ASB14: variants seen among roughly 807,000 people sequenced by gnomAD.
ASB14 encodes the protein ankyrin repeat and SOCS box protein 14.
A neutral mutation model predicts 55.6 loss-of-function variants in ASB14; 63 were observed. That is an observed-to-expected ratio of 1.13 (90% confidence interval 0.92 to 1.40). The LOEUF (loss-of-function observed/expected upper bound fraction) is 1.40, where lower values mean the gene tolerates loss of function less well. ASB14 is among the 40% of genes most tolerant of loss of function. ASB14 has a pLI of 0.00. For synonymous variants in ASB14, 256 were observed against 259.9 expected (o/e 0.98, Z 0.15); for missense variants, 724 against 710.4 (o/e 1.02, Z -0.22).
At position 57,283,464 on chromosome 3, in the gene ASB14, C is replaced by T. The variant is rs1421650112; in HGVS notation, c.470-25G>A. On this transcript the variant is annotated intron_variant, in intron 5 of 10. Coordinates refer to ENST00000487349, the MANE Select transcript of ASB14 (RefSeq NM_001142733.3). ...GCTGGGAAATGAGAAGTGTGGTGGGCATGTTCAACGGGAAGTTAAGCCCAA... is the reference window on the plus strand; with the variant it reads ...GCTGGGAAATGAGAAGTGTGGTGGGTATGTTCAACGGGAAGTTAAGCCCAA... 39 of 1,545,446 alleles carry T rather than the reference C, an allele frequency of 2.5e-5. No individual in the cohort carries two copies. The South Asian group carries it at 3.7e-4, about 15-fold the overall frequency.
At chr3:57,290,004 ACT>A (rs774385796) in intron 2 of ASB14, among the ~76,000 whole-genome samples, 35 of 152,182 alleles carry the variant, frequency 2.3e-4, no homozygotes, top group Non-Finnish European at 4.0e-4. Flanking sequence ...TCCCTCGGAC[ACT>A]CTGTCCTGTT....
chr3:57,291,159 A>G (rs1020783105), intron 2 of ASB14, among the ~76,000 whole-genome samples: 1 of 152,232 alleles, frequency 6.6e-6, no homozygotes, highest in African/African-American at 2.4e-5. Context: ...TTACATTTTA[A>G]AAATACTATA....
In ASB14 at chr3:57,283,272, T is replaced by C. The variant is rs61747702; in HGVS notation, c.637A>G (p.Ser213Gly). The C allele has an allele frequency of 1.2e-3, 1,932 of 1,552,054 alleles. 23 individuals are homozygous for C. In the African/African-American group the frequency reaches 0.023, roughly 19 times the overall value. Residue 213 changes from serine to glycine, a missense_variant, in exon 6 of 11, where the codon AGC becomes GGC. Coordinates refer to ENST00000487349, the MANE Select transcript of ASB14 (RefSeq NM_001142733.3). ...LVSGAHPDPQ[S>G]TYGFTPLALA... Reference sequence around the variant, plus strand: ...GCAAGAGGAGTGAATCCATACGTGCTCTGTGGGTCAGGGTGTGCCCCAGAA... The same window carrying C: ...GCAAGAGGAGTGAATCCATACGTGCCCTGTGGGTCAGGGTGTGCCCCAGAA...
At chr3:57,289,162 G>A (rs1395865556) in intron 2 of ASB14, 39 bp from the exon 3 acceptor site, 27 of 1,376,156 alleles carry the variant, frequency 2.0e-5, no homozygotes, top group Non-Finnish European at 2.6e-5. Context: ...CCAAAACTGA[G>A]GAGAAAAAAC....
chr3:57,269,880 C>A, intron 10 of ASB14: 1 of 590,132 alleles, frequency 1.7e-6, no homozygotes, highest in Non-Finnish European at 2.8e-6. Flanking sequence ...CCCCCTTAAA[C>A]ATAATGTACT....
rs527843898 is a variant in ASB14 at position 57,283,430 on chromosome 3, C to T, written c.479G>A (p.Arg160His). 65 of 1,551,250 alleles carry T rather than the reference C, an allele frequency of 4.2e-5. No homozygotes were observed. In the African/African-American group the frequency reaches 6.7e-4, roughly 16 times the overall value. ...CAAGGCAGCCATGTCATAGCAGTCA[C>T]GCAGCACAGCTGGGAAATGAGAAGT... The part of the protein sequence containing the change: ...GNSPLLAAVL[R>H]DCYDMAALLI... The change falls in exon 6 of 11, where the codon CGT (arginine) becomes CAT (histidine). Residue 160 changes from arginine (R) to histidine (H), a missense_variant. Physicochemically the swap from Arg to His is conservative, Grantham distance 29. Coordinates refer to ENST00000487349, the MANE Select transcript of ASB14 (RefSeq NM_001142733.3).
At chr3:57,272,250 C>T (rs1196244185) in intron 10 of ASB14, 3 of 152,166 alleles carry the variant, frequency 2.0e-5, no homozygotes, top group Non-Finnish European at 4.4e-5. Context: ...ACCAGTTATT[C>T]CTTCTACCTT....
At chr3:57,272,214 A>G (rs2060946835) in intron 10 of ASB14, 2 of 152,132 alleles carry the variant, frequency 1.3e-5, no homozygotes, top group African/African-American at 4.8e-5. Flanking sequence ...GTTTGTAACT[A>G]TGGCAATGAA....
rs962280871 is a variant in ASB14 at position 57,269,303 on chromosome 3, T to TA, written c.*337dup. 211 of 414,862 alleles carry TA rather than the reference T, an allele frequency of 5.1e-4. No individual in the cohort carries two copies. The Middle Eastern group carries it at 7.3e-3, about 14-fold the overall frequency. The allele number at this position is 414,862 out of a possible 1,614,324, so 25.7% of individuals were successfully genotyped here. A position where few individuals can be genotyped will look rare whatever the true frequency, so the allele number is the denominator to read the frequency against. ...ATGGGCTTTATTTGGTTGTTGGTCA[T>TA]AAAAAAAGAAAGATAAAATATTAGA... On this transcript the variant is annotated 3_prime_UTR_variant, in exon 11 of 11. Coordinates refer to ENST00000487349, the MANE Select transcript of ASB14 (RefSeq NM_001142733.3).
At position 57,278,402 on chromosome 3, in the gene ASB14, G is replaced by A; in HGVS notation, c.1406C>T (p.Thr469Ile). 1.2e-6 allele frequency: 2 copies of A among 1,613,960 alleles called. No homozygotes were observed. Among genetic ancestry groups the A allele is most frequent in the Non-Finnish European group, 1.7e-6 (2 of 1,179,860 alleles). The change falls in exon 8 of 11, where the codon ACA becomes ATA. Residue 469 changes from threonine (T) to isoleucine (I), a missense_variant. By Grantham distance (89) the Thr-to-Ile change is moderately conservative. Coordinates refer to ENST00000487349, the MANE Select transcript of ASB14 (RefSeq NM_001142733.3). The stretch of plus-strand genomic sequence containing the variant: ...CTTAGTATCTTTGATAACTGTAGAT[G>A]TCCAGCCTTCAACAGTATAGGAAGG... ...VHPSYTVEGW[T>I]STVIKDTKFC...
At chr3:57,276,150 G>T (rs1017267620) in intron 10 of ASB14, among the ~76,000 whole-genome samples, 1 of 150,704 alleles carries the variant, frequency 6.6e-6, no homozygotes, top group African/African-American at 2.4e-5. Context: ...ATAGACATTG[G>T]ATTTATACAC....
intron 10 of ASB14, chr3:57,273,239 C>T (rs1027215115): frequency 2.6e-5 from 4 of 152,548 alleles, no homozygotes; most frequent in African/African-American, 9.7e-5. Flanking sequence ...TTCACTGATA[C>T]TATTAATCAT....
chr3:57,280,310 G>T lies in ASB14; in HGVS notation c.879C>A (p.Gly293=). The part of the protein sequence containing the change: ...HLPIHVAADR[G]HLLALKILIP... ...ATGTAATTGAACTTAACAGTAAGTG[G>T]CCCCTGTCAGCTGCCACATGGATGG... Residue 293 remains glycine (G), a synonymous_variant, in exon 7 of 11, where the codon GGC becomes GGA. Transcript: ENST00000487349. 2.6e-6 allele frequency: 4 copies of T among 1,546,634 alleles called. No homozygotes were observed. The highest frequency in any genetic ancestry group is 3.5e-6 in the Non-Finnish European group (4 of 1,143,724).
chr3:57,269,633 G>A lies in ASB14; in HGVS notation c.*23-15C>T, dbSNP rs146152896. 1 of 1,614,114 alleles carries A rather than the reference G, an allele frequency of 6.2e-7. No individual in the cohort carries two copies. The highest frequency in any genetic ancestry group is 1.1e-5 in the South Asian group (1 of 91,068). On this transcript the variant is annotated splice_polypyrimidine_tract_variant and intron_variant, in intron 10 of 10. Transcript: ENST00000487349. ...AGTTTGTTGTCCTTAGCAGTAGCCA[G>A]TCAGAAGAGAGTGATTTGGGAGAAG...
chr3:57,287,783 G>A, intron 5 of ASB14, 118 bp downstream of exon 5: 1 of 1,151,194 alleles, frequency 8.7e-7, no homozygotes, highest in South Asian at 1.6e-5. Context: ...CCCATGTCTG[G>A]TCAGTTGGGA....
intron 2 of ASB14, among the ~76,000 whole-genome samples, chr3:57,290,886 T>G (rs985819107): frequency 6.6e-6 from 1 of 152,248 alleles, no homozygotes; most frequent in Non-Finnish European, 1.5e-5. Context: ...TTTTAAAAAC[T>G]AATCCTAAAT....
At position 57,278,907 on chromosome 3, in the gene ASB14, G is replaced by GT; in HGVS notation, c.900dup (p.Leu301ThrfsTer11). Reference sequence around the variant, plus strand: ...GCAGCAAGATCCGTAACTGGAATCAGTATCTTTAGAGCTCTGAGAAAGAAT... The same window carrying GT: ...GCAGCAAGATCCGTAACTGGAATCAGTTATCTTTAGAGCTCTGAGAAAGAAT... On this transcript the variant is annotated frameshift_variant, in exon 8 of 11. Coordinates refer to ENST00000487349, the MANE Select transcript of ASB14 (RefSeq NM_001142733.3). LOFTEE classifies it high-confidence loss of function. The GT allele has an allele frequency of 6.2e-7, 1 of 1,612,950 alleles. No homozygotes were observed. The highest frequency in any genetic ancestry group is 8.5e-7 in the Non-Finnish European group (1 of 1,179,506).
intron 9 of ASB14, 41 bp from the exon 10 acceptor site, chr3:57,276,769 T>C: frequency 6.5e-7 from 1 of 1,550,256 alleles, no homozygotes; most frequent in Non-Finnish European, 8.7e-7. Context: ...AAAAAGAACT[T>C]TTTTTTTAGT....
chr3:57,275,148 G>T (rs879713152), intron 10 of ASB14, among the ~76,000 whole-genome samples: 16 of 151,912 alleles, frequency 1.1e-4, no homozygotes, highest in Non-Finnish European at 1.8e-4. Flanking sequence ...AGTTACCTGC[G>T]GCCCAAAACT....
Sources: gnomAD v4.1 joint callset for allele counts (sites outside exome capture counted in the v4.1 genomes callset) on GRCh38, gnomAD v4.1.1 for gene constraint, MANE v1.5 for transcripts, NCBI Gene and HGNC (gene_info 2026-07-23, HGNC 2026-07-21) for gene names.